The following DAB1 variants were observed in gnomAD, a reference collection of about 807,000 sequenced individuals.
DAB1 encodes disabled homolog 1.
A neutral mutation model predicts 64.6 loss-of-function variants in DAB1; 15 were observed. That is an observed-to-expected ratio of 0.23 (90% CI 0.16 to 0.36). The LOEUF is 0.36. Among genes scored for constraint, DAB1 ranks in the 10% least tolerant of loss-of-function variants. DAB1 has a pLI of 1.00. For missense variants in DAB1, 596 were observed against 706.7 expected, an observed-to-expected ratio of 0.84 and a Z score of 1.78; for synonymous variants, 235 against 251.9, an observed-to-expected ratio of 0.93 and a Z score of 0.64.
intron 4 of DAB1, among the ~76,000 whole-genome samples, chr1:58,238,314 C>T (rs947643694): frequency 5.3e-5 from 8 of 152,162 alleles, no homozygotes; most frequent in Admixed American, 1.3e-4. Context: ...GGAAATGATG[C>T]TTCCATCATG....
chr1:57,285,880 C>A (rs761940808), intron 2 of DAB1, among the ~76,000 whole-genome samples: 17 of 152,100 alleles, frequency 1.1e-4, no homozygotes, highest in Non-Finnish European at 5.9e-5. Flanking sequence ...TGCCCTAATA[C>A]GGAGATTACA....
intron 1 of DAB1, among the ~76,000 whole-genome samples, chr1:57,334,013 G>A (rs2100805874): frequency 6.6e-6 from 1 of 152,298 alleles, no homozygotes; most frequent in Non-Finnish European, 1.5e-5. Context: ...ATTGAAGCAG[G>A]TATTTGGGGG....
At chr1:57,468,251 T>C (rs1421384190) in intron 7 of DAB1, among the ~76,000 whole-genome samples, 1 of 152,030 alleles carries the variant, frequency 6.6e-6, no homozygotes, top group African/African-American at 2.4e-5. Context: ...AAGGGCATTG[T>C]AGGGGTGGGG....
rs12032549 is a variant in DAB1 at position 57,311,255 on chromosome 1, T to C, written c.-136-20089A>G. 7.9e-3 allele frequency among the ~76,000 whole-genome samples: 1,172 copies of C among 147,448 alleles called. 35 individuals carry two copies. The East Asian group carries it at 0.086, about 11-fold the overall frequency. On this transcript the variant is annotated intron_variant, in intron 1 of 14. Coordinates refer to ENST00000371236, the MANE Select transcript of DAB1 (RefSeq NM_001365792.1). ...TGGAACAAAGTACACTCTGTCATCATGATTGCTAAGCAGTCCCACGTGGGG... is the reference window on the plus strand; with the variant it reads ...TGGAACAAAGTACACTCTGTCATCACGATTGCTAAGCAGTCCCACGTGGGG...
chr1:58,016,426 C>T (rs902879906), intron 5 of DAB1, among the ~76,000 whole-genome samples: 10 of 152,146 alleles, frequency 6.6e-5, no homozygotes, highest in African/African-American at 2.2e-4. Context: ...TTAAGTGATA[C>T]GAGGATGATT....
intron 5 of DAB1, among the ~76,000 whole-genome samples, chr1:58,105,904 C>A (rs900925169): frequency 6.6e-6 from 1 of 152,158 alleles, no homozygotes; most frequent in African/African-American, 2.4e-5. Flanking sequence ...TTTATTCATT[C>A]ATTTATTCAA....
At chr1:57,101,911 T>C (rs564393500) in intron 4 of DAB1, among the ~76,000 whole-genome samples, 3 of 152,214 alleles carry the variant, frequency 2.0e-5, no homozygotes, top group Non-Finnish European at 2.9e-5. Flanking sequence ...CACTGAGGCA[T>C]AGAGAAGTTA....
At chr1:58,215,349 T>C (rs558812910) in intron 4 of DAB1, among the ~76,000 whole-genome samples, 7 of 151,788 alleles carry the variant, frequency 4.6e-5, no homozygotes, top group African/African-American at 1.5e-4. Flanking sequence ...GGTATGGCTA[T>C]GGAAAAGGCA....
At chr1:57,735,415 T>C (rs890771966) in intron 6 of DAB1, among the ~76,000 whole-genome samples, 2 of 152,154 alleles carry the variant, frequency 1.3e-5, no homozygotes, top group Non-Finnish European at 2.9e-5. Flanking sequence ...CACCATTCAT[T>C]CATTTAAGCA....
chr1:57,300,674 G>A (rs1266135329), intron 1 of DAB1, among the ~76,000 whole-genome samples: 4 of 152,134 alleles, frequency 2.6e-5, no homozygotes, highest in African/African-American at 7.2e-5. Flanking sequence ...CGCTTGAAAC[G>A]GATGCTGTAA....
At chr1:58,096,060 G>A (rs1341381345) in intron 5 of DAB1, among the ~76,000 whole-genome samples, 1 of 152,160 alleles carries the variant, frequency 6.6e-6, no homozygotes, top group African/African-American at 2.4e-5. Context: ...CCCTTCTCTC[G>A]TTAGAAAATA....
Position 57,418,964 on chromosome 1 carries a change from A to C in DAB1, c.-137+4966T>G, listed in dbSNP as rs79992829. Among the ~76,000 whole-genome samples the C allele has an allele frequency of 9.1e-3, 1,392 of 152,310 alleles. 6 individuals carry two copies. Among genetic ancestry groups the C allele is most frequent in the Non-Finnish European group, 0.014 (960 of 68,016 alleles). ...ATCAGAGGGAAATATCCAGGTGATT[A>C]ATTTGATTAATGAGTTGTTTTCATT... is the stretch of plus-strand genomic sequence containing the variant. On this transcript the variant is annotated intron_variant, in intron 1 of 14. Transcript: ENST00000371236.
At chr1:57,559,686 C>T (rs1558493587) in intron 7 of DAB1, among the ~76,000 whole-genome samples, 1 of 152,102 alleles carries the variant, frequency 6.6e-6, no homozygotes, top group Non-Finnish European at 1.5e-5. Flanking sequence ...AGTCATTTCT[C>T]CAGGGCCAGA....
chr1:57,976,022 C>T (rs1570134629), intron 5 of DAB1, among the ~76,000 whole-genome samples: 1 of 152,220 alleles, frequency 6.6e-6, no homozygotes, highest in Admixed American at 6.5e-5. Context: ...GAATCCCTGA[C>T]CTGGGCAAGT....
chr1:58,337,778 G>A (rs962127216), intron 4 of DAB1, among the ~76,000 whole-genome samples: 3 of 152,040 alleles, frequency 2.0e-5, no homozygotes, highest in African/African-American at 7.2e-5. Flanking sequence ...ATGGAGAAAG[G>A]GGCATATTAA....
intron 5 of DAB1, among the ~76,000 whole-genome samples, chr1:57,975,113 T>C (rs1049171427): frequency 6.6e-6 from 1 of 152,080 alleles, no homozygotes; most frequent in Admixed American, 6.6e-5. Context: ...CCCTCATGAA[T>C]AGGATTAGTG....
chr1:58,127,358 A>G (rs1485109337), intron 5 of DAB1, among the ~76,000 whole-genome samples: 1 of 151,936 alleles, frequency 6.6e-6, no homozygotes, highest in Non-Finnish European at 1.5e-5. Flanking sequence ...TCTGGATATT[A>G]GCCCTTTGTC....
At chr1:58,221,036 A>C (rs1659142989) in intron 4 of DAB1, among the ~76,000 whole-genome samples, 1 of 135,130 alleles carries the variant, frequency 7.4e-6, no homozygotes, top group African/African-American at 2.8e-5. Flanking sequence ...ATTCTTAGAG[A>C]GCTGTGGTTT....
chr1:57,471,665 G>A (rs1316048937), intron 7 of DAB1, among the ~76,000 whole-genome samples: 1 of 152,182 alleles, frequency 6.6e-6, no homozygotes, highest in Non-Finnish European at 1.5e-5. Context: ...CTGCCGCCAT[G>A]TAAGACATAC....
Sources: gnomAD v4.1 joint callset for allele counts (sites outside exome capture counted in the v4.1 genomes callset) on GRCh38, gnomAD v4.1.1 for gene constraint, MANE v1.5 for transcripts, NCBI Gene and HGNC (gene_info 2026-07-23, HGNC 2026-07-21) for gene names.